Variants in IL1RAPL2 observed in about 807,000 individuals in gnomAD.
The protein encoded by IL1RAPL2 is X-linked interleukin-1 receptor accessory protein-like 2.
In IL1RAPL2, 3 loss-of-function variants were observed where a neutral mutation model predicts 44.1. That is an observed-to-expected ratio of 0.07 (90% CI 0.03 to 0.18). The LOEUF (loss-of-function observed/expected upper bound fraction) is 0.18. Among genes scored for constraint, IL1RAPL2 ranks in the 10% least tolerant of loss-of-function variants. The pLI is 1.00. For synonymous variants in IL1RAPL2, 181 were observed against 178.8 expected, an observed-to-expected ratio of 1.01 and a Z score of -0.10; for missense variants, 391 against 496.4, an observed-to-expected ratio of 0.79 and a Z score of 2.02.
At chrX:104,931,919 C>T (rs1451053842) in intron 2 of IL1RAPL2, among the ~76,000 whole-genome samples, 1 of 107,915 alleles carries the variant, frequency 9.3e-6, no homozygotes, top group Non-Finnish European at 1.9e-5. Context: ...CAAATACACA[C>T]AGACTCACAG....
chrX:104,716,979 C>G (rs775835736), intron 2 of IL1RAPL2, among the ~76,000 whole-genome samples: 1 of 111,768 alleles, frequency 8.9e-6, no homozygotes, highest in Non-Finnish European at 1.9e-5. Flanking sequence ...CATGTATGTT[C>G]ATTTCATCAC....
intron 2 of IL1RAPL2, among the ~76,000 whole-genome samples, chrX:104,720,742 AT>A (rs1454222993): frequency 1.8e-5 from 2 of 111,336 alleles, no homozygotes; most frequent in South Asian, 3.8e-4. Flanking sequence ...CAGGACTGGT[AT>A]TTTCTTCTTC....
chrX:104,970,642 C>G (rs1055652399), intron 2 of IL1RAPL2, among the ~76,000 whole-genome samples: 1 of 112,233 alleles, frequency 8.9e-6, no homozygotes, highest in African/African-American at 3.2e-5. Flanking sequence ...TGACATGGCA[C>G]TGGTGGGCAT....
chrX:104,800,451 C>T (rs1272162649), intron 2 of IL1RAPL2, among the ~76,000 whole-genome samples: 3 of 111,295 alleles, frequency 2.7e-5, no homozygotes, highest in Non-Finnish European at 5.7e-5. Context: ...AAAATTGTTG[C>T]AAGAGATCAG....
At chrX:105,158,091 C>T (rs1170843758) in intron 2 of IL1RAPL2, among the ~76,000 whole-genome samples, 1 of 111,732 alleles carries the variant, frequency 8.9e-6, no homozygotes, top group African/African-American at 3.3e-5. Flanking sequence ...CCTGTAATCC[C>T]AGCACTCTGG....
chrX:104,582,822 C>CTTTCTCTCTCTTTCTTTCTT (rs748809592), intron 1 of IL1RAPL2, among the ~76,000 whole-genome samples: 1 of 40,663 alleles, frequency 2.5e-5, no homozygotes, highest in Non-Finnish European at 4.2e-5. Flanking sequence ...TCCTTTCTTT[C>CTTTCTCTCTCTTTCTTTCTT]TCTTTCTTTC....
At chrX:104,800,157 A>G (rs1932875817) in intron 2 of IL1RAPL2, among the ~76,000 whole-genome samples, 1 of 111,202 alleles carries the variant, frequency 9.0e-6, no homozygotes, top group African/African-American at 3.3e-5. Context: ...GACAGGCAAT[A>G]TGGCTTGGGG....
intron 2 of IL1RAPL2, among the ~76,000 whole-genome samples, chrX:104,852,942 G>A (rs6621871): frequency 0.37 from 40,478 of 110,590 alleles, 5,845 homozygotes; most frequent in East Asian, 0.46. Flanking sequence ...AAACCTGGAT[G>A]ATGGGTGCAT....
At chrX:104,816,819 ATG>A (rs775108549) in intron 2 of IL1RAPL2, among the ~76,000 whole-genome samples, 1 of 112,094 alleles carries the variant, frequency 8.9e-6, no homozygotes, top group African/African-American at 3.2e-5. Flanking sequence ...AACTTTCAAT[ATG>A]TGTAGTATTG....
intron 5 of IL1RAPL2, among the ~76,000 whole-genome samples, chrX:105,358,710 A>AG (rs1169614314): frequency 9.1e-6 from 1 of 109,724 alleles, no homozygotes; most frequent in Non-Finnish European, 1.9e-5. Flanking sequence ...AACAAAAAAA[A>AG]AAAAAGAAAA....
At chrX:105,271,168 G>C (rs2034443569) in intron 5 of IL1RAPL2, among the ~76,000 whole-genome samples, 1 of 112,062 alleles carries the variant, frequency 8.9e-6, no homozygotes, top group Non-Finnish European at 1.9e-5. Flanking sequence ...TAGATAGTTA[G>C]CTTTCTTTCT....
intron 8 of IL1RAPL2, among the ~76,000 whole-genome samples, chrX:105,741,088 TA>T (rs903146161): frequency 4.5e-5 from 5 of 111,528 alleles, no homozygotes; most frequent in African/African-American, 1.6e-4. Flanking sequence ...ATTCCCTGAC[TA>T]AAAAATAAAA....
At chrX:105,513,725 T>C (rs1273068340) in intron 6 of IL1RAPL2, among the ~76,000 whole-genome samples, 1 of 111,588 alleles carries the variant, frequency 9.0e-6, no homozygotes, top group Non-Finnish European at 1.9e-5. Flanking sequence ...GGGCTGCCTG[T>C]TCACTCTGAT....
chrX:104,662,645 A>C (rs779973001), intron 2 of IL1RAPL2, among the ~76,000 whole-genome samples: 1 of 111,478 alleles, frequency 9.0e-6, no homozygotes, highest in Non-Finnish European at 1.9e-5. Flanking sequence ...ACTCTTCCTC[A>C]AGAAGTCACT....
At chrX:104,648,928 C>T (rs1413297763) in intron 1 of IL1RAPL2, among the ~76,000 whole-genome samples, 1 of 111,263 alleles carries the variant, frequency 9.0e-6, no homozygotes, top group Non-Finnish European at 1.9e-5. Flanking sequence ...TTTCTTTATA[C>T]TTGCTTCTCC....
intron 2 of IL1RAPL2, among the ~76,000 whole-genome samples, chrX:105,100,906 A>C (rs1481538265): frequency 1.8e-5 from 2 of 112,694 alleles, no homozygotes; most frequent in Non-Finnish European, 3.7e-5. Flanking sequence ...TAACACTCCT[A>C]GAAGAATGGC....
chrX:105,578,607 G>A (rs1406029653), intron 6 of IL1RAPL2, among the ~76,000 whole-genome samples: 1 of 110,933 alleles, frequency 9.0e-6, no homozygotes, highest in Non-Finnish European at 1.9e-5. Flanking sequence ...ATGGTAAGAT[G>A]CCTTTAAAGC....
At chrX:105,348,649 A>G (rs2147703454) in intron 5 of IL1RAPL2, among the ~76,000 whole-genome samples, 1 of 111,718 alleles carries the variant, frequency 9.0e-6, no homozygotes, top group African/African-American at 3.2e-5. Context: ...AGAGCCAATC[A>G]CTGAGACAAT....
At chrX:105,447,380 T>TATATAAATATAAATATATAAATATATAA (rs2035973291) in intron 5 of IL1RAPL2, among the ~76,000 whole-genome samples, 2 of 66,238 alleles carry the variant, frequency 3.0e-5, no homozygotes, top group Non-Finnish European at 4.8e-5. Context: ...AATATATAAA[T>TATATAAATATAAATATATAAATATATAA]ATATAAATAT....
Sources: allele counts gnomAD v4.1 joint callset (sites outside exome capture counted in the v4.1 genomes callset), GRCh38; gene constraint gnomAD v4.1.1; transcripts MANE v1.5; gene names NCBI Gene and HGNC (gene_info 2026-07-23, HGNC 2026-07-21).